The following AP1M1 variants were observed in gnomAD, a reference collection of about 807,000 sequenced individuals.
AP1M1 encodes the protein AP-1 complex subunit mu-1.
A neutral mutation model predicts 57.1 loss-of-function variants in AP1M1; 18 were observed. The observed-to-expected ratio is 0.32, with a 90% confidence interval of 0.22 to 0.47. The LOEUF is 0.47. Among genes scored for constraint, AP1M1 ranks in the 20% least tolerant of loss-of-function variants. The pLI, the probability that AP1M1 is intolerant of heterozygous loss-of-function variation, is 1.00. For missense variants in AP1M1, 362 were observed against 593.5 expected, an observed-to-expected ratio of 0.61 and a Z score of 4.05; for synonymous variants, 241 against 237.9, an observed-to-expected ratio of 1.01 and a Z score of -0.12.
chr19:16,197,912 G>A lies in AP1M1; in HGVS notation c.-115G>A. The A allele has an allele frequency of 1.2e-6, 1 of 846,370 alleles. No individual in the cohort carries two copies. Among genetic ancestry groups the A allele is most frequent in the Non-Finnish European group, 1.7e-6 (1 of 579,830 alleles). 52.4% of individuals were successfully genotyped at this position (846,370 alleles called of 1,614,324 possible). ...GGTCCCCGCGCGGCTCCCCGAACCG[G>A]AAGTGGAGGTGAGCTGTCGCGGGCG... On this transcript the variant is annotated 5_prime_UTR_variant, in exon 1 of 12. Coordinates refer to ENST00000291439, the MANE Select transcript of AP1M1 (RefSeq NM_032493.4).
At position 16,242,922 on chromosome 19, in the gene AP1M1, T is replaced by G. The variant is rs912404930; in HGVS notation, c.*8487T>G. 2.0e-5 allele frequency: 3 copies of G among 152,148 alleles called. No individual in the cohort carries two copies. The highest frequency in any genetic ancestry group is 1.3e-4 in the Admixed American group (2 of 15,262). 9.4% of individuals were successfully genotyped at this position (152,148 alleles called of 1,614,324 possible). On this transcript the variant is annotated 3_prime_UTR_variant, in exon 12 of 12. Coordinates refer to ENST00000291439, the MANE Select transcript of AP1M1 (RefSeq NM_032493.4). ...GCATGCACCACCATGCTTGGCTAAATTTTTTTATTTTTGTATTTTTTTTAT... is the reference window on the plus strand; with the variant it reads ...GCATGCACCACCATGCTTGGCTAAAGTTTTTTATTTTTGTATTTTTTTTAT...
At chr19:16,216,506 T>C (rs1010379409) in intron 5 of AP1M1, among the ~76,000 whole-genome samples, 1 of 152,172 alleles carries the variant, frequency 6.6e-6, no homozygotes, top group East Asian at 1.9e-4. Context: ...GAGGACACTC[T>C]GGTTATTTGA....
intron 5 of AP1M1, among the ~76,000 whole-genome samples, chr19:16,214,503 C>G (rs1454635710): frequency 3.9e-5 from 6 of 151,920 alleles, no homozygotes; most frequent in African/African-American, 1.5e-4. Flanking sequence ...AGGTACCCAC[C>G]ACCATGACCG....
At position 16,233,625 on chromosome 19, in the gene AP1M1, A is replaced by T; in HGVS notation, c.1173+7A>T. 6.2e-7 allele frequency: 1 copy of T among 1,609,264 alleles called. No individual in the cohort carries two copies. The highest frequency in any genetic ancestry group is 1.1e-5 in the South Asian group (1 of 90,266). On this transcript the variant is annotated splice_region_variant and intron_variant, in intron 10 of 11. Coordinates refer to ENST00000291439, the MANE Select transcript of AP1M1 (RefSeq NM_032493.4). ...CACTACCTCCGGCATCCAGGTACGT[A>T]AGGCCCAGGCGGCCGGGGCCCAGAA...
intron 5 of AP1M1, 157 bp downstream of exon 5, chr19:16,209,334 T>G: frequency 2.4e-6 from 2 of 818,104 alleles, no homozygotes; most frequent in Non-Finnish European, 3.7e-6. Flanking sequence ...TGAGTTTGTC[T>G]TATCTTTTTT....
Position 16,228,111 on chromosome 19 carries a change from A to G in AP1M1, c.817-26A>G. 6.2e-7 allele frequency: 1 copy of G among 1,612,416 alleles called. No individual in the cohort carries two copies. Among genetic ancestry groups the G allele is most frequent in the Non-Finnish European group, 8.5e-7 (1 of 1,179,264 alleles). On this transcript the variant is annotated intron_variant, in intron 7 of 11. Coordinates refer to ENST00000291439, the MANE Select transcript of AP1M1 (RefSeq NM_032493.4). This position sits in a 1 kb window ranked among gnomAD's most constrained non-coding sequence, Gnocchi z 5.0. ...CCTTTGTCAAACAAGGCCAGGTGTG[A>G]GCACCCTCTTTGCCCTCCTTGGCAG...
chr19:16,228,708 G>A lies in AP1M1; in HGVS notation c.889-62G>A. 1 of 1,596,554 alleles carries A rather than the reference G, an allele frequency of 6.3e-7. No individual in the cohort carries two copies. The highest frequency in any genetic ancestry group is 8.6e-7 in the Non-Finnish European group (1 of 1,169,010). ...GGCCAGGCTGAGGGGCATGTGTCCT[G>A]GAGAGGCTGGCCAGCTCACCTTGGC... On this transcript the variant is annotated intron_variant, in intron 8 of 11. Coordinates refer to ENST00000291439, the MANE Select transcript of AP1M1 (RefSeq NM_032493.4). The surrounding 1 kb of genome is among the most constrained non-coding windows in gnomAD (Gnocchi z 5.0).
rs531590969 is a variant in AP1M1 at position 16,209,297 on chromosome 19, A to G, written c.546+120A>G. On this transcript the variant is annotated intron_variant, in intron 5 of 11. Coordinates refer to ENST00000291439, the MANE Select transcript of AP1M1 (RefSeq NM_032493.4). ...GTTCTGTGTGGTAACAGATAGCAGG[A>G]TTCAGTTTGGGCCACTCATTGAAAT... 1.3e-4 allele frequency: 154 copies of G among 1,159,296 alleles called. No homozygotes were observed. In the African/African-American group the frequency reaches 2.2e-3, roughly 17 times the overall value. The allele number at this position is 1,159,296 out of a possible 1,614,324, so 71.8% of individuals were successfully genotyped here.
Position 16,206,544 on chromosome 19 carries a change from G to A in AP1M1, c.267+136G>A, listed in dbSNP as rs2091470273. 2.3e-6 allele frequency: 2 copies of A among 884,528 alleles called. No individual in the cohort carries two copies. The highest frequency in any genetic ancestry group is 3.1e-5 in the South Asian group (2 of 64,602). The allele number at this position is 884,528 out of a possible 1,614,324, so 54.8% of individuals were successfully genotyped here. A position where few individuals can be genotyped will look rare whatever the true frequency, so the allele number is the denominator to read the frequency against. On this transcript the variant is annotated intron_variant, in intron 3 of 11. Coordinates refer to ENST00000291439, the MANE Select transcript of AP1M1 (RefSeq NM_032493.4). The surrounding 1 kb of genome is among the most constrained non-coding windows in gnomAD (Gnocchi z 4.3). ...CACTGGGGCTGGAAGCCCAGGAAGT[G>A]GGAAAGGGGAGTCCCAACTCCCCAC...
At chr19:16,222,507 C>T (rs904795737) in intron 5 of AP1M1, among the ~76,000 whole-genome samples, 4 of 152,144 alleles carry the variant, frequency 2.6e-5, no homozygotes, top group Non-Finnish European at 5.9e-5. Context: ...GCCACTGTAC[C>T]TGGCCTCCAT....
rs2091629979 is a variant in AP1M1, at chr19:16,237,582, A to C, written c.*3147A>C. ...ACCCCATCTCTACTAAAAATACCAA[A>C]ATTAGCCAGGCATGGTGGCGGGCGC... is the stretch of plus-strand genomic sequence containing the variant. On this transcript the variant is annotated 3_prime_UTR_variant, in exon 12 of 12. Transcript: ENST00000291439. 1 of 150,910 alleles carries C rather than the reference A, an allele frequency of 6.6e-6. No individual in the cohort carries two copies. The allele number at this position is 150,910 out of a possible 1,614,324, so 9.3% of individuals were successfully genotyped here. A position where few individuals can be genotyped will look rare whatever the true frequency, so the allele number is the denominator to read the frequency against.
chr19:16,236,339 G>A lies in AP1M1; in HGVS notation c.*1904G>A, dbSNP rs1464777494. 2.0e-5 allele frequency: 3 copies of A among 152,224 alleles called. No individual in the cohort carries two copies. Among genetic ancestry groups the A allele is most frequent in the Non-Finnish European group, 2.9e-5 (2 of 68,066 alleles). 9.4% of individuals were successfully genotyped at this position (152,224 alleles called of 1,614,324 possible). ...TGCAAACCCTCCACTACAGACTGTA[G>A]AAATGCAGGAAATGAAGCAGACGCA... On this transcript the variant is annotated 3_prime_UTR_variant, in exon 12 of 12. Coordinates refer to ENST00000291439, the MANE Select transcript of AP1M1 (RefSeq NM_032493.4).
At position 16,244,712 on chromosome 19, in the gene AP1M1, C is replaced by T. The variant is rs922877521; in HGVS notation, c.*10277C>T. On this transcript the variant is annotated 3_prime_UTR_variant, in exon 12 of 12. Coordinates refer to ENST00000291439, the MANE Select transcript of AP1M1 (RefSeq NM_032493.4). The stretch of plus-strand genomic sequence containing the variant: ...GGGCGCGGTGGCGGGCGCCTGTAGT[C>T]CCAGCTACTCCGGAGGCTGAGGCAG... 2.0e-4 allele frequency: 31 copies of T among 151,874 alleles called. No individual in the cohort carries two copies. The highest frequency in any genetic ancestry group is 7.5e-4 in the African/African-American group (31 of 41,514). 9.4% of individuals were successfully genotyped at this position (151,874 alleles called of 1,614,324 possible). A position where few individuals can be genotyped will look rare whatever the true frequency, so the allele number is the denominator to read the frequency against.
rs894470503 is a variant in AP1M1, at chr19:16,238,560, G to A, written c.*4125G>A. ...GTGCTTAGGGATCTATATATATCCAGCAAAAGTCTAACGAGATGCTTGAGA... is the reference window on the plus strand; with the variant it reads ...GTGCTTAGGGATCTATATATATCCAACAAAAGTCTAACGAGATGCTTGAGA... On this transcript the variant is annotated 3_prime_UTR_variant, in exon 12 of 12. Coordinates refer to ENST00000291439, the MANE Select transcript of AP1M1 (RefSeq NM_032493.4). 1 of 152,036 alleles carries A rather than the reference G, an allele frequency of 6.6e-6. No individual in the cohort carries two copies. The highest frequency in any genetic ancestry group is 1.5e-5 in the Non-Finnish European group (1 of 68,026). 9.4% of individuals were successfully genotyped at this position (152,036 alleles called of 1,614,324 possible).
chr19:16,234,492 CA>C lies in AP1M1; in HGVS notation c.*58del. Reference sequence around the variant, plus strand: ...GGCTCCTGGTGGCAGCACCAGGGGACACACCTGCCAAACCCACCAGATGGAG... The same window carrying C: ...GGCTCCTGGTGGCAGCACCAGGGGACCACCTGCCAAACCCACCAGATGGAG... On this transcript the variant is annotated 3_prime_UTR_variant, in exon 12 of 12. Coordinates refer to ENST00000291439, the MANE Select transcript of AP1M1 (RefSeq NM_032493.4). 1.9e-6 allele frequency: 3 copies of C among 1,607,374 alleles called. No individual in the cohort carries two copies. The highest frequency in any genetic ancestry group is 2.2e-5 in the South Asian group (2 of 90,426).
chr19:16,234,138 T>A, intron 10 of AP1M1, 61 bp from the exon 11 acceptor site: 1 of 1,529,380 alleles, frequency 6.5e-7, no homozygotes, highest in Non-Finnish European at 8.8e-7. Context: ...CAGGAAAGAT[T>A]AAGGGGGGAC....
Position 16,228,719 on chromosome 19 carries a change from C to G in AP1M1, c.889-51C>G, listed in dbSNP as rs767749147. ...GGGGCATGTGTCCTGGAGAGGCTGG[C>G]CAGCTCACCTTGGCCTCCATAACCC... On this transcript the variant is annotated intron_variant, in intron 8 of 11. Transcript: ENST00000291439. This position sits in a 1 kb window ranked among gnomAD's most constrained non-coding sequence, Gnocchi z 5.0. 8.1e-6 allele frequency: 13 copies of G among 1,602,044 alleles called. No individual in the cohort carries two copies. The highest frequency in any genetic ancestry group is 3.3e-5 in the South Asian group (3 of 90,458).
Position 16,207,984 on chromosome 19 carries a change from C to T in AP1M1, c.268-35C>T, listed in dbSNP as rs2091476475. 2 of 1,594,604 alleles carry T rather than the reference C, an allele frequency of 1.3e-6. No individual in the cohort carries two copies. The highest frequency in any genetic ancestry group is 1.7e-6 in the Non-Finnish European group (2 of 1,170,786). On this transcript the variant is annotated intron_variant, in intron 3 of 11. Coordinates refer to ENST00000291439, the MANE Select transcript of AP1M1 (RefSeq NM_032493.4). The surrounding 1 kb of genome is among the most constrained non-coding windows in gnomAD (Gnocchi z 4.2). ...CCTCATCCGTCCGCTCAATGATCTG[C>T]CTCCCATTCCTCCCTCCCTCCCCAA...
rs2091643753 is a variant in AP1M1, at chr19:16,241,034, G to A, written c.*6599G>A. 1.3e-5 allele frequency: 2 copies of A among 152,070 alleles called. No individual in the cohort carries two copies. Among genetic ancestry groups the A allele is most frequent in the East Asian group, 3.9e-4 (2 of 5,166 alleles). The allele number at this position is 152,070 out of a possible 1,614,324, so 9.4% of individuals were successfully genotyped here. On this transcript the variant is annotated 3_prime_UTR_variant, in exon 12 of 12. Coordinates refer to ENST00000291439, the MANE Select transcript of AP1M1 (RefSeq NM_032493.4). ...GAGCCCACCTCATCTGTAAAAGGTAGGACAAGCCGGGCATGGTGGCTCCCG... is the reference window on the plus strand; with the variant it reads ...GAGCCCACCTCATCTGTAAAAGGTAAGACAAGCCGGGCATGGTGGCTCCCG...
Sources: gnomAD v4.1 joint callset for allele counts (sites outside exome capture counted in the v4.1 genomes callset) on GRCh38, gnomAD v4.1.1 for gene constraint, Gnocchi (gnomAD v3.1) non-coding constraint, MANE v1.5 for transcripts, NCBI Gene and HGNC (gene_info 2026-07-23, HGNC 2026-07-21) for gene names.